The following FBXO10 variants were observed in gnomAD, a reference collection of about 807,000 sequenced individuals.
FBXO10 encodes the protein F-box only protein 10.
A neutral mutation model predicts 80.7 loss-of-function variants in FBXO10; 39 were observed. That is an observed-to-expected ratio of 0.48 (90% CI 0.37 to 0.63). FBXO10 has a LOEUF of 0.63. FBXO10 is among the 30% of genes least tolerant of loss of function. FBXO10 has a pLI of 0.00. For missense variants in FBXO10, 1,025 were observed against 1,269.0 expected, an observed-to-expected ratio of 0.81 and a Z score of 2.92; for synonymous variants, 449 against 489.6, an observed-to-expected ratio of 0.92 and a Z score of 1.09.
chr9:37,575,770 T>A (rs1822879035), intron 1 of FBXO10: 1 of 152,098 alleles, frequency 6.6e-6, no homozygotes, highest in African/African-American at 2.4e-5. Flanking sequence ...AGCCCCATAT[T>A]TGCCCCTTGA....
Position 37,541,574 on chromosome 9 carries a change from A to G in FBXO10, c.195T>C (p.Asp65=). 1 of 1,613,794 alleles carries G rather than the reference A, an allele frequency of 6.2e-7. No individual in the cohort carries two copies. Among genetic ancestry groups the G allele is most frequent in the Non-Finnish European group, 8.5e-7 (1 of 1,179,784 alleles). ...CRHPNWPNQP[D]VEPESWREAF... is the part of the protein sequence containing the mutation. ...CTTCTCTCCAAGACTCAGGCTCCAC[A>G]TCTGGCTGGTTGGGCCAATTGGGAT... Residue 65 remains aspartate (D), a synonymous_variant, in exon 2 of 11, where the codon GAT becomes GAC. Coordinates refer to ENST00000432825, the MANE Select transcript of FBXO10 (RefSeq NM_012166.3).
Position 37,541,282 on chromosome 9 carries a change from C to T in FBXO10, c.487G>A (p.Glu163Lys), listed in dbSNP as rs1352579509. The stretch of plus-strand genomic sequence containing the variant: ...TCAATGCTGGCCAGCAGGGCCACTT[C>T]ACCCAACTTCCCCTGCCCTACAATC... ...VEIVGQGKLG[E>K]VALLASIDQH... is the part of the protein sequence containing the mutation. The change falls in exon 2 of 11, where the codon GAA (glutamate) becomes AAA (lysine). Residue 163 changes from glutamate (E) to lysine (K), a missense_variant. By Grantham distance (56) the Glu-to-Lys change is moderately conservative. Coordinates refer to ENST00000432825, the MANE Select transcript of FBXO10 (RefSeq NM_012166.3). The T allele has an allele frequency of 6.2e-7, 1 of 1,613,984 alleles. No individual in the cohort carries two copies. The highest frequency in any genetic ancestry group is 2.2e-5 in the East Asian group (1 of 44,882).
Position 37,512,459 on chromosome 9 carries a change from G to T in FBXO10, c.*88C>A. On this transcript the variant is annotated 3_prime_UTR_variant, in exon 11 of 11. Transcript: ENST00000432825. ...GGGACCCATTTGTTCGAGGGGGAGGGGGAGGGGCGGAGTCTTTTCAGGCAG... is the reference window on the plus strand; with the variant it reads ...GGGACCCATTTGTTCGAGGGGGAGGTGGAGGGGCGGAGTCTTTTCAGGCAG... 6.9e-7 allele frequency: 1 copy of T among 1,452,288 alleles called. No homozygotes were observed. 90.0% of individuals were successfully genotyped at this position (1,452,288 alleles called of 1,614,324 possible). A position where few individuals can be genotyped will look rare whatever the true frequency, so the allele number is the denominator to read the frequency against.
At position 37,512,289 on chromosome 9, in the gene FBXO10, C is replaced by T. The variant is rs1023271673; in HGVS notation, c.*258G>A. 1 of 348,874 alleles carries T rather than the reference C, an allele frequency of 2.9e-6. No homozygotes were observed. Among genetic ancestry groups the T allele is most frequent in the African/African-American group, 2.1e-5 (1 of 48,190 alleles). 21.6% of individuals were successfully genotyped at this position (348,874 alleles called of 1,614,324 possible). On this transcript the variant is annotated 3_prime_UTR_variant, in exon 11 of 11. Transcript: ENST00000432825. ...CCAAAAGCTTCAGCATTTGAGCTTC[C>T]CCCGCTCTTCACAATCTTTATAGAC...
At chr9:37,540,042 C>G (rs574727991) in intron 2 of FBXO10, among the ~76,000 whole-genome samples, 2 of 152,184 alleles carry the variant, frequency 1.3e-5, no homozygotes, top group Non-Finnish European at 2.9e-5. Flanking sequence ...ATCTCAGAGG[C>G]ATGTGGAGAG....
At position 37,529,131 on chromosome 9, in the gene FBXO10, C is replaced by T. The variant is rs34857698; in HGVS notation, c.1699G>A (p.Val567Ile). The T allele has an allele frequency of 3.7e-5, 59 of 1,613,832 alleles. No individual in the cohort carries two copies. The highest frequency in any genetic ancestry group is 1.6e-4 in the Middle Eastern group (1 of 6,084). Residue 567 changes from valine (V) to isoleucine (I), a missense_variant, in exon 5 of 11, where the codon GTT becomes ATT. Val to Ile is a conservative substitution (Grantham distance 29). Transcript: ENST00000432825. ...GIYILYHGNP[V>I]VSGNHIFKGR... is the part of the protein sequence containing the mutation. ...GGAAACAGCAGCACACACCTCACAA[C>T]GGGGTTTCCGTGGTACAGGATGTAA...
At chr9:37,560,306 G>A (rs756641735) in intron 1 of FBXO10, among the ~76,000 whole-genome samples, 7 of 152,302 alleles carry the variant, frequency 4.6e-5, no homozygotes, top group Middle Eastern at 3.4e-3. Flanking sequence ...GCCACCTGAC[G>A]TAGAAACTAC....
chr9:37,571,138 G>T (rs1208387553), intron 1 of FBXO10, among the ~76,000 whole-genome samples: 1 of 152,056 alleles, frequency 6.6e-6, no homozygotes, highest in African/African-American at 2.4e-5. Flanking sequence ...TCAAAAATAA[G>T]ATTGCAAAGA....
At chr9:37,540,720 C>G (rs56689850) in intron 2 of FBXO10, among the ~76,000 whole-genome samples, 2,505 of 152,286 alleles carry the variant, frequency 0.016, 82 homozygotes, top group African/African-American at 0.055. Flanking sequence ...ATGGTAAAAG[C>G]CTGCCCTTCC....
At chr9:37,576,103 G>A (rs4077401) in intron 1 of FBXO10, 108 bp downstream of exon 1, 21,805 of 152,248 alleles carry the variant, frequency 0.14, 2,012 homozygotes, top group Admixed American at 0.2. Context: ...GCTCAGCCTC[G>A]GCCAGGACTG....
intron 1 of FBXO10, among the ~76,000 whole-genome samples, chr9:37,548,072 T>C (rs1822101980): frequency 6.6e-6 from 1 of 152,220 alleles, no homozygotes. Flanking sequence ...GTTAGTTATA[T>C]GGGTGCATAC....
At chr9:37,522,386 A>C in intron 7 of FBXO10, 3 of 1,009,100 alleles carry the variant, frequency 3.0e-6, no homozygotes, top group Non-Finnish European at 3.6e-6. Flanking sequence ...GTATTATTAG[A>C]GATAGAGTCC....
At position 37,562,201 on chromosome 9, in the gene FBXO10, TA is replaced by T. The variant is rs1423178775; in HGVS notation, c.-7+14009del. ...TGGGCAGGCAGGCTGGGGTCAGGAA[TA>T]AAAACATCCCTCAGGGATCTGCACT... is the stretch of plus-strand genomic sequence containing the variant. On this transcript the variant is annotated intron_variant, in intron 1 of 10. Coordinates refer to ENST00000432825, the MANE Select transcript of FBXO10 (RefSeq NM_012166.3). Among the ~76,000 whole-genome samples the T allele has an allele frequency of 2.6e-5, 4 of 152,168 alleles. No homozygotes were observed. In the East Asian group the frequency reaches 7.7e-4, roughly 29 times the overall value.
At chr9:37,523,991 T>A (rs1564335524) in intron 6 of FBXO10, among the ~76,000 whole-genome samples, 1 of 152,234 alleles carries the variant, frequency 6.6e-6, no homozygotes, top group East Asian at 1.9e-4. Flanking sequence ...CCCACAAGCC[T>A]GTGAGAAGGC....
At position 37,566,459 on chromosome 9, in the gene FBXO10, G is replaced by GA. The variant is rs397894696; in HGVS notation, c.-7+9751dup. ...GACAACAAAGTGAGACTCTGTCTCG[G>GA]AAAAAAAAAAAAAAAAAGTGGAAAA... On this transcript the variant is annotated intron_variant, in intron 1 of 10. Transcript: ENST00000432825. Among the ~76,000 whole-genome samples the GA allele has an allele frequency of 2.2e-3, 142 of 64,354 alleles. No individual in the cohort carries two copies. The Middle Eastern group carries it at 0.1, about 47-fold the overall frequency. The allele number at this position is 64,354 out of a possible 152,430, so 42.2% of individuals were successfully genotyped here.
Position 37,541,772 on chromosome 9 carries a change from C to G in FBXO10, c.-4G>C. 1 of 1,586,214 alleles carries G rather than the reference C, an allele frequency of 6.3e-7. No homozygotes were observed. The highest frequency in any genetic ancestry group is 8.6e-7 in the Non-Finnish European group (1 of 1,163,854). ...AGGGGAGGCCACCAGCCTCCATGGT[C>G]ACCTAGGAGACAGACACAAAACAAA... On this transcript the variant is annotated splice_region_variant and 5_prime_UTR_variant, in exon 2 of 11. Coordinates refer to ENST00000432825, the MANE Select transcript of FBXO10 (RefSeq NM_012166.3).
At chr9:37,540,407 C>A (rs954532828) in intron 2 of FBXO10, among the ~76,000 whole-genome samples, 1 of 152,010 alleles carries the variant, frequency 6.6e-6, no homozygotes, top group Non-Finnish European at 1.5e-5. Flanking sequence ...GAACTCCTGA[C>A]CTCAGGTGAT....
intron 1 of FBXO10, among the ~76,000 whole-genome samples, chr9:37,557,173 C>G (rs998725306): frequency 6.6e-6 from 1 of 152,106 alleles, no homozygotes; most frequent in Non-Finnish European, 1.5e-5. Context: ...GCAATGATGC[C>G]AATAAGTGAT....
chr9:37,520,313 CTTTTTTT>C (rs11309075), intron 8 of FBXO10, among the ~76,000 whole-genome samples: 1 of 110,936 alleles, frequency 9.0e-6, no homozygotes, highest in African/African-American at 3.6e-5. Context: ...CTTCTACCAT[CTTTTTTT>C]TTTTTTTTTT....
Sources: allele counts gnomAD v4.1 joint callset (sites outside exome capture counted in the v4.1 genomes callset), GRCh38; gene constraint gnomAD v4.1.1; transcripts MANE v1.5; gene names NCBI Gene and HGNC (gene_info 2026-07-23, HGNC 2026-07-21).